Variants in SORCS2 observed in about 807,000 individuals in gnomAD.
SORCS2 encodes sortilin related VPS10 domain containing receptor 2, also known as VPS10 domain-containing receptor SorCS2.
In SORCS2, 100 loss-of-function variants were observed where a neutral mutation model predicts 141.6. That is an observed-to-expected ratio of 0.71 (90% confidence interval 0.60 to 0.83). The LOEUF (loss-of-function observed/expected upper bound fraction) is 0.83. SORCS2 is among the 40% of genes least tolerant of loss of function. The probability of loss-of-function intolerance (pLI) is 0.00; values close to 1 mark genes in which losing one functional copy is unlikely to be tolerated. For missense variants in SORCS2, 1,646 were observed against 1,560.2 expected, an observed-to-expected ratio of 1.05 and a Z score of -0.93; for synonymous variants, 789 against 676.9, an observed-to-expected ratio of 1.17 and a Z score of -2.57.
At chr4:7,195,625 A>C (rs1337003906) in intron 1 of SORCS2, among the ~76,000 whole-genome samples, 1 of 152,166 alleles carries the variant, frequency 6.6e-6, no homozygotes, top group African/African-American at 2.4e-5. Context: ...ACTAAGTAAA[A>C]CTGCTTTAAA....
intron 2 of SORCS2, among the ~76,000 whole-genome samples, chr4:7,441,286 G>A (rs1268998206): frequency 6.6e-6 from 1 of 152,176 alleles, no homozygotes; most frequent in African/African-American, 2.4e-5. Flanking sequence ...CGCACCCCAG[G>A]TGAGGGGCAG....
chr4:7,532,681 C>T (rs1711758856), intron 3 of SORCS2, among the ~76,000 whole-genome samples: 2 of 151,480 alleles, frequency 1.3e-5, no homozygotes, highest in Admixed American at 6.6e-5. Flanking sequence ...GACCACAGGC[C>T]TGGCAGCAGC....
At chr4:7,653,372 T>C (rs983875033) in intron 4 of SORCS2, among the ~76,000 whole-genome samples, 16 of 152,100 alleles carry the variant, frequency 1.1e-4, no homozygotes, top group South Asian at 2.1e-4. Context: ...GCCTCCCGAG[T>C]AGCTGGGATT....
At chr4:7,278,821 C>A (rs888546045) in intron 1 of SORCS2, among the ~76,000 whole-genome samples, 1 of 152,182 alleles carries the variant, frequency 6.6e-6, no homozygotes, top group Non-Finnish European at 1.5e-5. Context: ...ATAAAGGAGA[C>A]CCCTTTAACT....
intron 1 of SORCS2, among the ~76,000 whole-genome samples, chr4:7,384,635 G>A (rs532525885): frequency 6.7e-4 from 102 of 152,306 alleles, no homozygotes; most frequent in Admixed American, 2.4e-3. Flanking sequence ...CTGAACGTCC[G>A]GCTCCACCCA....
At chr4:7,404,910 G>C (rs190862837) in intron 2 of SORCS2, among the ~76,000 whole-genome samples, 14 of 152,098 alleles carry the variant, frequency 9.2e-5, no homozygotes, top group Admixed American at 3.9e-4. Flanking sequence ...TTTCTGGTCT[G>C]AGTCATAAAT....
chr4:7,505,529 A>G (rs1389527059), intron 2 of SORCS2, among the ~76,000 whole-genome samples: 1 of 152,142 alleles, frequency 6.6e-6, no homozygotes, highest in African/African-American at 2.4e-5. Context: ...TCTGGGTGGC[A>G]TTGGAGCCCT....
chr4:7,526,469 T>C (rs1733703152), intron 2 of SORCS2, among the ~76,000 whole-genome samples: 1 of 152,134 alleles, frequency 6.6e-6, no homozygotes, highest in Non-Finnish European at 1.5e-5. Flanking sequence ...AAGGCGTAAC[T>C]ATGACGATGA....
At chr4:7,259,577 G>A (rs1714174144) in intron 1 of SORCS2, among the ~76,000 whole-genome samples, 1 of 152,112 alleles carries the variant, frequency 6.6e-6, no homozygotes, top group South Asian at 2.1e-4. Flanking sequence ...CCTCCCAGGA[G>A]CCCTCTTGCT....
chr4:7,385,103 G>A (rs1186356742), intron 1 of SORCS2, among the ~76,000 whole-genome samples: 1 of 152,178 alleles, frequency 6.6e-6, no homozygotes, highest in Non-Finnish European at 1.5e-5. Flanking sequence ...ACTCAGGGGT[G>A]TATGGGTAGG....
chr4:7,689,738 C>G (rs1270483067), intron 11 of SORCS2, 150 bp downstream of exon 11: 2 of 721,556 alleles, frequency 2.8e-6, no homozygotes, highest in African/African-American at 1.8e-5. Flanking sequence ...AAGCTCAGCT[C>G]TCATGGCAAA....
At chr4:7,515,625 C>G (rs577632879) in intron 2 of SORCS2, among the ~76,000 whole-genome samples, 69 of 152,346 alleles carry the variant, frequency 4.5e-4, no homozygotes, top group African/African-American at 1.5e-3. Flanking sequence ...GCTCGGAACC[C>G]ACCCGTGCCC....
intron 5 of SORCS2, among the ~76,000 whole-genome samples, chr4:7,659,661 A>T (rs1722026221): frequency 6.6e-6 from 1 of 152,222 alleles, no homozygotes; most frequent in South Asian, 2.1e-4. Context: ...TGGAAAAGCC[A>T]GGAGAGAGTG....
At chr4:7,269,332 C>T (rs561731669) in intron 1 of SORCS2, among the ~76,000 whole-genome samples, 3 of 152,326 alleles carry the variant, frequency 2.0e-5, no homozygotes, top group East Asian at 1.9e-4. Flanking sequence ...CCAGGGCCCC[C>T]GGTTGCACCA....
At chr4:7,326,017 T>G (rs1332003246) in intron 1 of SORCS2, among the ~76,000 whole-genome samples, 1 of 151,894 alleles carries the variant, frequency 6.6e-6, no homozygotes, top group Non-Finnish European at 1.5e-5. Context: ...GGGTCTTTGA[T>G]GTTTTGATGT....
intron 3 of SORCS2, among the ~76,000 whole-genome samples, chr4:7,580,734 G>A (rs1399857561): frequency 6.6e-6 from 1 of 152,142 alleles, no homozygotes; most frequent in African/African-American, 2.4e-5. Flanking sequence ...GAGTTTTGCA[G>A]GAGCAATGTG....
At chr4:7,725,123 A>G in intron 19 of SORCS2, 31 bp from the exon 20 acceptor site, 1 of 1,607,910 alleles carries the variant, frequency 6.2e-7, no homozygotes, top group Non-Finnish European at 8.5e-7. Flanking sequence ...CCCTGATATC[A>G]TCTAACCCTG....
chr4:7,571,602 C>T (rs937456330), intron 3 of SORCS2, among the ~76,000 whole-genome samples: 1 of 151,876 alleles, frequency 6.6e-6, no homozygotes, highest in African/African-American at 2.4e-5. Context: ...TGACAGTGGG[C>T]AGAGGTGGTC....
intron 1 of SORCS2, among the ~76,000 whole-genome samples, chr4:7,243,962 C>CGGG: frequency 6.6e-6 from 1 of 152,288 alleles, no homozygotes; most frequent in African/African-American, 2.4e-5. Context: ...CCAGGTGGAC[C>CGGG]GGGAGGGCCA....
Sources: allele counts gnomAD v4.1 joint callset (sites outside exome capture counted in the v4.1 genomes callset), GRCh38; gene constraint gnomAD v4.1.1; transcripts MANE v1.5; gene names NCBI Gene and HGNC (gene_info 2026-07-23, HGNC 2026-07-21).